The following SLC24A2 variants were observed in gnomAD, a reference collection of about 807,000 sequenced individuals.
SLC24A2 encodes the protein sodium/potassium/calcium exchanger 2.
In SLC24A2, 36 loss-of-function variants were observed where a neutral mutation model predicts 62.0. The observed-to-expected ratio is 0.58, with a 90% CI of 0.44 to 0.77. The LOEUF (loss-of-function observed/expected upper bound fraction) is 0.77. Among genes scored for constraint, SLC24A2 ranks in the 30% least tolerant of loss-of-function variants. SLC24A2 has a pLI of 0.00. For synonymous variants in SLC24A2, 358 were observed against 294.0 expected, an observed-to-expected ratio of 1.22 and a Z score of -2.23; for missense variants, 846 against 817.9, an observed-to-expected ratio of 1.03 and a Z score of -0.42.
the SLC24A2 span, among the ~76,000 whole-genome samples, chr9:20,096,513 A>C: frequency 6.6e-6 from 1 of 151,822 alleles, no homozygotes; most frequent in Non-Finnish European, 1.5e-5. Flanking sequence ...ATCTTTCTAT[A>C]TTTTATACAT....
the SLC24A2 span, among the ~76,000 whole-genome samples, chr9:20,009,982 A>T: frequency 2.6e-5 from 4 of 152,282 alleles, no homozygotes; most frequent in Admixed American, 2.0e-4. Context: ...CACAAATTCC[A>T]AACAATAATA....
At chr9:19,989,064 A>T in the SLC24A2 span, among the ~76,000 whole-genome samples, 3 of 152,196 alleles carry the variant, frequency 2.0e-5, no homozygotes, top group Non-Finnish European at 4.4e-5. Context: ...ACATTGTAAA[A>T]ATGTAAACAA....
At chr9:19,556,476 C>T (rs1482343748) in intron 7 of SLC24A2, among the ~76,000 whole-genome samples, 1 of 152,162 alleles carries the variant, frequency 6.6e-6, no homozygotes, top group African/African-American at 2.4e-5. Flanking sequence ...AGTGAAAACT[C>T]AGGAGGCATC....
chr9:20,189,056 G>A, the SLC24A2 span, among the ~76,000 whole-genome samples: 2 of 149,886 alleles, frequency 1.3e-5, no homozygotes, highest in Admixed American at 6.8e-5. Context: ...CAGAAATTAG[G>A]GTGGCTTTTC....
the SLC24A2 span, among the ~76,000 whole-genome samples, chr9:19,913,182 A>T: frequency 6.6e-6 from 1 of 152,014 alleles, no homozygotes; most frequent in African/African-American, 2.4e-5. Flanking sequence ...TTTGCTAATG[A>T]CTCCAAGATC....
At chr9:19,667,271 A>C (rs1227048377) in intron 2 of SLC24A2, among the ~76,000 whole-genome samples, 1 of 152,196 alleles carries the variant, frequency 6.6e-6, no homozygotes, top group Non-Finnish European at 1.5e-5. Flanking sequence ...GTGTCTCAAA[A>C]TAAAAAGTAT....
the SLC24A2 span, among the ~76,000 whole-genome samples, chr9:20,223,117 T>A: frequency 6.6e-6 from 1 of 151,816 alleles, no homozygotes; most frequent in Non-Finnish European, 1.5e-5. Flanking sequence ...CACATGGAAA[T>A]GTAATAGACA....
chr9:20,288,936 A>T, the SLC24A2 span, among the ~76,000 whole-genome samples: 1 of 152,012 alleles, frequency 6.6e-6, no homozygotes. Flanking sequence ...GCATCAGAGA[A>T]TGTCTCAACT....
chr9:20,142,838 CA>C, the SLC24A2 span, among the ~76,000 whole-genome samples: 1 of 152,154 alleles, frequency 6.6e-6, no homozygotes, highest in Admixed American at 6.5e-5. Flanking sequence ...TCAAGTTATC[CA>C]CCCACCTTGG....
At chr9:20,146,317 T>C in the SLC24A2 span, among the ~76,000 whole-genome samples, 1 of 152,078 alleles carries the variant, frequency 6.6e-6, no homozygotes, top group Non-Finnish European at 1.5e-5. Flanking sequence ...GAAAAGGAAG[T>C]CTGAGTCTCT....
chr9:19,917,132 G>T, the SLC24A2 span, among the ~76,000 whole-genome samples: 4 of 150,354 alleles, frequency 2.7e-5, no homozygotes, highest in Admixed American at 1.3e-4. Flanking sequence ...TTTTAGATTG[G>T]AATGTCCTTA....
intron 2 of SLC24A2, among the ~76,000 whole-genome samples, chr9:19,709,623 G>A (rs1446124887): frequency 6.6e-6 from 1 of 151,702 alleles, no homozygotes. Flanking sequence ...GATGAAACTG[G>A]ACACCATCAT....
At chr9:19,627,340 T>C (rs1180238162) in intron 2 of SLC24A2, among the ~76,000 whole-genome samples, 1 of 152,204 alleles carries the variant, frequency 6.6e-6, no homozygotes, top group Non-Finnish European at 1.5e-5. Flanking sequence ...GAAAAATTTT[T>C]TGAGAAGAAT....
At chr9:19,837,458 C>CAAAAAAAAAAAA in the SLC24A2 span, among the ~76,000 whole-genome samples, 7 of 22,356 alleles carry the variant, frequency 3.1e-4, 2 homozygotes, top group Admixed American at 1.0e-3. Context: ...GACTCCGTCT[C>CAAAAAAAAAAAA]AAAAAAAAAA....
At chr9:19,861,377 A>G in the SLC24A2 span, among the ~76,000 whole-genome samples, 1 of 152,206 alleles carries the variant, frequency 6.6e-6, no homozygotes, top group Non-Finnish European at 1.5e-5. Flanking sequence ...CCACAGCACT[A>G]CTGGGCTTGG....
chr9:19,531,239 C>G (rs975402690), intron 8 of SLC24A2, among the ~76,000 whole-genome samples: 1 of 152,198 alleles, frequency 6.6e-6, no homozygotes, highest in Non-Finnish European at 1.5e-5. Flanking sequence ...TCACTTCTTT[C>G]ATTTTTCTTG....
At chr9:19,973,024 G>C in the SLC24A2 span, among the ~76,000 whole-genome samples, 1 of 152,272 alleles carries the variant, frequency 6.6e-6, no homozygotes, top group Admixed American at 6.5e-5. Context: ...CCATCACAAA[G>C]TGTAGAAATA....
chr9:19,903,114 G>A, the SLC24A2 span, among the ~76,000 whole-genome samples: 3 of 151,616 alleles, frequency 2.0e-5, no homozygotes, highest in Non-Finnish European at 4.4e-5. Flanking sequence ...GACCTTGTGA[G>A]ACTCAATTAT....
chr9:19,954,329 A>C, the SLC24A2 span, among the ~76,000 whole-genome samples: 1 of 152,108 alleles, frequency 6.6e-6, no homozygotes, highest in Non-Finnish European at 1.5e-5. Flanking sequence ...GAGGTTAGCC[A>C]AAAACCCAAG....
Sources: allele counts gnomAD v4.1 joint callset (sites outside exome capture counted in the v4.1 genomes callset), GRCh38; gene constraint gnomAD v4.1.1; transcripts MANE v1.5; gene names NCBI Gene and HGNC (gene_info 2026-07-23, HGNC 2026-07-21).